CCDC175: variants seen among roughly 807,000 people sequenced by gnomAD.
CCDC175 encodes the protein coiled-coil domain-containing protein 175.
In CCDC175, 100 loss-of-function variants were observed where a neutral mutation model predicts 114.6. That is an observed-to-expected ratio of 0.87 (90% CI 0.74 to 1.03). The LOEUF (loss-of-function observed/expected upper bound fraction) is 1.03, where lower values mean the gene tolerates loss of function less well. Among genes scored for constraint, CCDC175 ranks in the 50% least tolerant of loss-of-function variants. CCDC175 has a pLI of 0.00. For synonymous variants in CCDC175, 306 were observed against 308.7 expected (o/e 0.99, Z 0.09); for missense variants, 880 against 917.8 (o/e 0.96, Z 0.53).
chr14:59,568,684 A>T, intron 3 of CCDC175, among the ~76,000 whole-genome samples: 1 of 152,094 alleles, frequency 6.6e-6, no homozygotes, highest in East Asian at 1.9e-4. Flanking sequence ...CAACTTCTAC[A>T]TGGGGCTTCT....
chr14:59,538,571 A>G, intron 12 of CCDC175, 134 bp downstream of exon 12: 1 of 754,328 alleles, frequency 1.3e-6, no homozygotes, highest in Non-Finnish European at 2.0e-6. Context: ...AAGAAAATCA[A>G]ATAACTCACT....
Position 59,563,812 on chromosome 14 carries a change from A to T in CCDC175, c.768T>A (p.Tyr256Ter). 7.0e-7 allele frequency: 1 copy of T among 1,437,082 alleles called. No homozygotes were observed. Among genetic ancestry groups the T allele is most frequent in the South Asian group, 1.5e-5 (1 of 68,464 alleles). The allele number at this position is 1,437,082 out of a possible 1,614,324, so 89.0% of individuals were successfully genotyped here. ...NTREVKRMET[Y>*]QKKKELDKLQ... ...ATTTATCCAATTCTTTCTTCTTTTG[A>T]TAAGTCTCCATTCTCTTTACTTCAC... The change falls in exon 6 of 20, where the codon TAT becomes TAA. Residue 256 changes from tyrosine to a stop codon, truncating the protein, a stop_gained. Transcript: ENST00000537690. LOFTEE classifies it high-confidence loss of function.
intron 17 of CCDC175, among the ~76,000 whole-genome samples, chr14:59,519,735 T>G (rs1893314835): frequency 6.6e-6 from 1 of 152,248 alleles, no homozygotes; most frequent in Non-Finnish European, 1.5e-5. Flanking sequence ...CATTGAGAGG[T>G]GGTGGCTATG....
intron 6 of CCDC175, 58 bp downstream of exon 6, chr14:59,563,679 T>G (rs1180814443): frequency 9.0e-7 from 1 of 1,116,484 alleles, no homozygotes; most frequent in East Asian, 3.3e-5. Flanking sequence ...AATCAACTCC[T>G]TTTTTATTGA....
At chr14:59,507,266 TG>T (rs1479784056) in intron 19 of CCDC175, among the ~76,000 whole-genome samples, 2 of 152,212 alleles carry the variant, frequency 1.3e-5, no homozygotes, top group Non-Finnish European at 2.9e-5. Flanking sequence ...GATATCCCTG[TG>T]TACTCCAACA....
chr14:59,514,596 CGAGAA>C (rs1892957166), intron 17 of CCDC175, among the ~76,000 whole-genome samples: 1 of 151,854 alleles, frequency 6.6e-6, no homozygotes, highest in Non-Finnish European at 1.5e-5. Flanking sequence ...TGAAATGAAG[CGAGAA>C]GAGAAGTTTA....
intron 17 of CCDC175, among the ~76,000 whole-genome samples, chr14:59,513,547 G>A (rs1365152563): frequency 6.6e-6 from 1 of 152,212 alleles, no homozygotes; most frequent in Non-Finnish European, 1.5e-5. Flanking sequence ...AGGGTCCTAT[G>A]CCCACGGAGC....
chr14:59,552,615 G>A (rs186942414), intron 7 of CCDC175, among the ~76,000 whole-genome samples: 4 of 152,308 alleles, frequency 2.6e-5, no homozygotes, highest in East Asian at 1.9e-4. Context: ...AAAGCTGGAT[G>A]GAGAATGACT....
intron 14 of CCDC175, among the ~76,000 whole-genome samples, chr14:59,527,989 C>G (rs1893848778): frequency 6.6e-6 from 1 of 152,016 alleles, no homozygotes; most frequent in Non-Finnish European, 1.5e-5. Flanking sequence ...TTCTTATACT[C>G]TTTTTCTTGA....
intron 12 of CCDC175, 100 bp downstream of exon 12, chr14:59,538,605 G>T: frequency 9.6e-7 from 1 of 1,040,838 alleles, no homozygotes; most frequent in Non-Finnish European, 1.3e-6. Flanking sequence ...CAGCAGAAAG[G>T]AAAATACTTT....
chr14:59,543,784 T>C (rs7492941), intron 9 of CCDC175, among the ~76,000 whole-genome samples: 149,022 of 152,260 alleles, frequency 0.98, 73,007 homozygotes, highest in East Asian at 1. Flanking sequence ...TGAGCCACTG[T>C]GCCCAGCATA....
At chr14:59,506,243 C>T (rs1158658142) in intron 19 of CCDC175, among the ~76,000 whole-genome samples, 2 of 149,894 alleles carry the variant, frequency 1.3e-5, no homozygotes, top group Non-Finnish European at 3.0e-5. Flanking sequence ...CCCAGAGATT[C>T]ATGTTGAATT....
chr14:59,553,918 T>G (rs943056140), intron 7 of CCDC175, among the ~76,000 whole-genome samples: 1 of 152,134 alleles, frequency 6.6e-6, no homozygotes, highest in Admixed American at 6.5e-5. Flanking sequence ...GAGCTAACTA[T>G]CCTAAATATA....
rs1217340197 is a variant in CCDC175 at position 59,551,391 on chromosome 14, A to G, written c.999T>C (p.Asn333=). ...TGTTCAGGAATTCATTTTTTTCATCATTAGATATATCATCTAGTTTTTCTT... is the reference window on the plus strand; with the variant it reads ...TGTTCAGGAATTCATTTTTTTCATCGTTAGATATATCATCTAGTTTTTCTT... ...DNKEKLDDIS[N]DEKNEFLNKI... The change falls in exon 8 of 20, where the codon AAT becomes AAC. Residue 333 remains asparagine, a synonymous_variant. Transcript: ENST00000537690. The G allele has an allele frequency of 6.8e-7, 1 of 1,461,024 alleles. No homozygotes were observed. Among genetic ancestry groups the G allele is most frequent in the Non-Finnish European group, 9.1e-7 (1 of 1,093,808 alleles). The allele number at this position is 1,461,024 out of a possible 1,614,324, so 90.5% of individuals were successfully genotyped here. A position where few individuals can be genotyped will look rare whatever the true frequency, so the allele number is the denominator to read the frequency against.
rs1360807716 is a variant in CCDC175 at position 59,576,667 on chromosome 14, G to C, written c.109C>G (p.Leu37Val). ...SLELCTLPST[L>V]GSSVAVEALE... ...GCCTCGACCGCGACCGAGGAGCCCA[G>C]GGTGGAGGGTAAGGTGCATAACTCC... Residue 37 changes from leucine to valine, a missense_variant, in exon 1 of 20, where the codon CTG (leucine) becomes GTG (valine). Leu to Val is a conservative substitution (Grantham distance 32, BLOSUM62 1). Transcript: ENST00000537690. The C allele has an allele frequency of 1.3e-6, 2 of 1,483,172 alleles. No homozygotes were observed. The highest frequency in any genetic ancestry group is 1.8e-6 in the Non-Finnish European group (2 of 1,124,680). 91.9% of individuals were successfully genotyped at this position (1,483,172 alleles called of 1,614,324 possible).
intron 11 of CCDC175, among the ~76,000 whole-genome samples, chr14:59,539,691 A>T (rs1894646551): frequency 6.6e-6 from 1 of 152,156 alleles, no homozygotes; most frequent in East Asian, 1.9e-4. Context: ...AGGTGGGCAG[A>T]TCACTTGAGG....
At chr14:59,571,625 A>G (rs188345887) in intron 3 of CCDC175, among the ~76,000 whole-genome samples, 4 of 152,362 alleles carry the variant, frequency 2.6e-5, no homozygotes, top group African/African-American at 4.8e-5. Flanking sequence ...CTGGAAAATA[A>G]CAAGTATTGG....
chr14:59,574,107 G>A (rs61985545), intron 2 of CCDC175, among the ~76,000 whole-genome samples: 64,726 of 152,080 alleles, frequency 0.43, 15,990 homozygotes, highest in East Asian at 0.84. Flanking sequence ...CAGTGTTTAC[G>A]TGTACCTACT....
At chr14:59,516,491 C>T (rs536453200) in intron 17 of CCDC175, among the ~76,000 whole-genome samples, 48 of 152,314 alleles carry the variant, frequency 3.2e-4, no homozygotes, top group African/African-American at 1.1e-3. Flanking sequence ...TGGGATATCA[C>T]CACCGATCCC....
Sources: gnomAD v4.1 joint callset for allele counts (sites outside exome capture counted in the v4.1 genomes callset) on GRCh38, gnomAD v4.1.1 for gene constraint, MANE v1.5 for transcripts, NCBI Gene and HGNC (gene_info 2026-07-23, HGNC 2026-07-21) for gene names.